Variants in HS3ST4 observed in about 807,000 individuals in gnomAD.
The protein encoded by HS3ST4 is heparan sulfate-glucosamine 3-sulfotransferase 4, also known as heparan sulfate glucosamine 3-O-sulfotransferase 4.
A neutral mutation model predicts 29.2 loss-of-function variants in HS3ST4; 17 were observed. The observed-to-expected ratio is 0.58, with a 90% CI of 0.40 to 0.87. The LOEUF (loss-of-function observed/expected upper bound fraction) is 0.87. Among genes scored for constraint, HS3ST4 ranks in the 40% least tolerant of loss-of-function variants. The probability of loss-of-function intolerance (pLI) is 0.00; values close to 1 mark genes in which losing one functional copy is unlikely to be tolerated. For synonymous variants in HS3ST4, 314 were observed against 285.7 expected, an observed-to-expected ratio of 1.10 and a Z score of -1.00; for missense variants, 627 against 634.5, an observed-to-expected ratio of 0.99 and a Z score of 0.13.
intron 1 of HS3ST4, among the ~76,000 whole-genome samples, chr16:25,839,638 T>C (rs567941805): frequency 6.6e-6 from 1 of 152,334 alleles, no homozygotes; most frequent in South Asian, 2.1e-4. Context: ...TGTTATATTC[T>C]AGTGTTTATA....
intron 1 of HS3ST4, among the ~76,000 whole-genome samples, chr16:25,830,366 AT>A (rs767062015): frequency 1.3e-5 from 2 of 151,938 alleles, no homozygotes; most frequent in Non-Finnish European, 2.9e-5. Context: ...CCCAATGGAG[AT>A]TTCTTGTTTG....
At chr16:25,779,801 T>C (rs1966851022) in intron 1 of HS3ST4, among the ~76,000 whole-genome samples, 1 of 152,140 alleles carries the variant, frequency 6.6e-6, no homozygotes, top group Admixed American at 6.5e-5. Context: ...AAAACAATAA[T>C]AACAACAACA....
intron 1 of HS3ST4, among the ~76,000 whole-genome samples, chr16:25,958,853 G>C (rs1379473583): frequency 6.6e-6 from 1 of 152,150 alleles, no homozygotes; most frequent in Non-Finnish European, 1.5e-5. Flanking sequence ...GTCTTACAAG[G>C]TGGCCGACTT....
At chr16:25,875,775 A>C (rs1369108513) in intron 1 of HS3ST4, among the ~76,000 whole-genome samples, 2 of 152,142 alleles carry the variant, frequency 1.3e-5, no homozygotes, top group Non-Finnish European at 2.9e-5. Context: ...GCCATGGGTC[A>C]TACAGTCTGT....
intron 1 of HS3ST4, among the ~76,000 whole-genome samples, chr16:25,828,075 C>G (rs1453855831): frequency 6.6e-6 from 1 of 151,798 alleles, no homozygotes; most frequent in South Asian, 2.1e-4. Flanking sequence ...ATTTGGTGTA[C>G]AAATTATTTT....
intron 1 of HS3ST4, among the ~76,000 whole-genome samples, chr16:26,024,616 C>T: frequency 6.6e-6 from 1 of 152,110 alleles, no homozygotes; most frequent in South Asian, 2.1e-4. Context: ...CCTGTAATCC[C>T]AGCTACTCGG....
chr16:26,026,908 A>G (rs1206817302), intron 1 of HS3ST4, among the ~76,000 whole-genome samples: 3 of 152,156 alleles, frequency 2.0e-5, no homozygotes, highest in Non-Finnish European at 2.9e-5. Context: ...TTTAAATGAT[A>G]AATGCTAAAC....
intron 1 of HS3ST4, among the ~76,000 whole-genome samples, chr16:25,985,200 T>C (rs74013233): frequency 6.6e-6 from 1 of 152,162 alleles, no homozygotes; most frequent in African/African-American, 2.4e-5. Flanking sequence ...TTGGGAACTG[T>C]ATGACACCTG....
chr16:25,709,525 C>G (rs749598553), intron 1 of HS3ST4, among the ~76,000 whole-genome samples: 1 of 152,056 alleles, frequency 6.6e-6, no homozygotes, highest in Non-Finnish European at 1.5e-5. Context: ...GAAGTACAAC[C>G]GAATAAAACA....
At chr16:25,713,978 G>A (rs1596550792) in intron 1 of HS3ST4, among the ~76,000 whole-genome samples, 1 of 151,938 alleles carries the variant, frequency 6.6e-6, no homozygotes, top group Admixed American at 6.6e-5. Context: ...CCCATCTGTA[G>A]TCATATTCTT....
intron 1 of HS3ST4, among the ~76,000 whole-genome samples, chr16:25,797,658 T>TA (rs754446065): frequency 1.3e-5 from 2 of 152,168 alleles, no homozygotes; most frequent in Non-Finnish European, 2.9e-5. Flanking sequence ...AATCAAGTGA[T>TA]ATGTTTGCAG....
chr16:26,072,482 C>A (rs887070802), intron 1 of HS3ST4, among the ~76,000 whole-genome samples: 1 of 152,130 alleles, frequency 6.6e-6, no homozygotes, highest in African/African-American at 2.4e-5. Flanking sequence ...TGGTGGTGGT[C>A]TCAGTCTTAG....
At chr16:25,817,823 A>G (rs1000409396) in intron 1 of HS3ST4, among the ~76,000 whole-genome samples, 7 of 152,202 alleles carry the variant, frequency 4.6e-5, no homozygotes, top group Non-Finnish European at 1.0e-4. Context: ...CATGATTTCA[A>G]CTGTGCCTCT....
chr16:26,065,913 C>G (rs1437366826), intron 1 of HS3ST4, among the ~76,000 whole-genome samples: 1 of 152,202 alleles, frequency 6.6e-6, no homozygotes, highest in East Asian at 1.9e-4. Context: ...GCACTGGCTT[C>G]TTAGTTGTGA....
At chr16:26,077,418 C>T (rs969196067) in intron 1 of HS3ST4, among the ~76,000 whole-genome samples, 1 of 152,238 alleles carries the variant, frequency 6.6e-6, no homozygotes, top group African/African-American at 2.4e-5. Context: ...CAGCATGGCT[C>T]TCTGCCCCTG....
At chr16:26,093,767 C>T (rs547669825) in intron 1 of HS3ST4, among the ~76,000 whole-genome samples, 19 of 152,268 alleles carry the variant, frequency 1.2e-4, no homozygotes, top group South Asian at 6.2e-4. Flanking sequence ...ATGACTTTGA[C>T]GAGTTGACAG....
At chr16:26,026,967 A>G (rs72778358) in intron 1 of HS3ST4, among the ~76,000 whole-genome samples, 6,822 of 152,294 alleles carry the variant, frequency 0.045, 170 homozygotes, top group Middle Eastern at 0.15. Context: ...AAAATCCCAT[A>G]GGACTCATGA....
chr16:25,767,678 G>T (rs1966828992), intron 1 of HS3ST4, among the ~76,000 whole-genome samples: 1 of 152,128 alleles, frequency 6.6e-6, no homozygotes, highest in South Asian at 2.1e-4. Flanking sequence ...GCAGTTTCTG[G>T]TTATGGGATA....
chr16:25,703,767 C>G (rs1016840456), intron 1 of HS3ST4, among the ~76,000 whole-genome samples: 1 of 152,142 alleles, frequency 6.6e-6, no homozygotes, highest in Admixed American at 6.5e-5. Flanking sequence ...ATTCTCTTTT[C>G]CCTCCTCCTG....
Sources: gnomAD v4.1 joint callset for allele counts (sites outside exome capture counted in the v4.1 genomes callset) on GRCh38, gnomAD v4.1.1 for gene constraint, MANE v1.5 for transcripts, NCBI Gene and HGNC (gene_info 2026-07-23, HGNC 2026-07-21) for gene names.